The following SUCLG2 variants were observed in gnomAD, a reference collection of about 807,000 sequenced individuals.
SUCLG2 encodes succinate-CoA ligase GDP-forming subunit beta.
Under a neutral mutation model 47.9 loss-of-function variants are expected in SUCLG2, and 42 were observed. The observed-to-expected ratio is 0.88, with a 90% CI of 0.69 to 1.14. SUCLG2 has a LOEUF of 1.14. SUCLG2 is among the 50% of genes most tolerant of loss of function. SUCLG2 has a pLI of 0.00. For synonymous variants in SUCLG2, 195 were observed against 197.3 expected (o/e 0.99, Z 0.10); for missense variants, 571 against 525.9 (o/e 1.09, Z -0.84).
At chr3:67,387,802 G>C (rs1381827330) in intron 10 of SUCLG2, among the ~76,000 whole-genome samples, 1 of 152,096 alleles carries the variant, frequency 6.6e-6, no homozygotes, top group Non-Finnish European at 1.5e-5. Context: ...GATCAGATTT[G>C]AATCTTTTAA....
intron 10 of SUCLG2, among the ~76,000 whole-genome samples, chr3:67,380,151 T>C (rs1397745196): frequency 6.8e-6 from 1 of 147,182 alleles, no homozygotes; most frequent in African/African-American, 2.5e-5. Flanking sequence ...CTGCTCAAGG[T>C]GCAATCAGGA....
At chr3:67,392,716 A>G (rs953117530) in intron 10 of SUCLG2, among the ~76,000 whole-genome samples, 1 of 152,166 alleles carries the variant, frequency 6.6e-6, no homozygotes, top group African/African-American at 2.4e-5. Flanking sequence ...AGAGAAGACT[A>G]TGTTGGCATT....
chr3:67,394,955 T>C (rs566283903), intron 10 of SUCLG2, among the ~76,000 whole-genome samples: 8 of 152,254 alleles, frequency 5.3e-5, no homozygotes, highest in African/African-American at 1.7e-4. Flanking sequence ...TGAAATACTT[T>C]ACAGACAAGC....
At chr3:67,540,546 G>A (rs778671491) in intron 2 of SUCLG2, among the ~76,000 whole-genome samples, 2 of 152,222 alleles carry the variant, frequency 1.3e-5, no homozygotes, top group East Asian at 1.9e-4. Flanking sequence ...AGCAGCCCCA[G>A]TCAGGGACTT....
intron 2 of SUCLG2, among the ~76,000 whole-genome samples, chr3:67,580,355 T>A (rs1232855183): frequency 6.6e-6 from 1 of 152,180 alleles, no homozygotes; most frequent in Admixed American, 6.5e-5. Context: ...CACCACAAAC[T>A]GACAAAAGTG....
intron 2 of SUCLG2, among the ~76,000 whole-genome samples, chr3:67,565,521 T>TTAA (rs1334523042): frequency 4.6e-5 from 7 of 152,230 alleles, no homozygotes; most frequent in Admixed American, 4.6e-4. Context: ...AAGTACAAAC[T>TTAA]GTGTAACATT....
chr3:67,434,586 A>G (rs1271878998), intron 9 of SUCLG2, among the ~76,000 whole-genome samples: 1 of 152,174 alleles, frequency 6.6e-6, no homozygotes, highest in Non-Finnish European at 1.5e-5. Flanking sequence ...TACATAGGGT[A>G]CCTAACAAAA....
At chr3:67,521,807 A>T (rs1280173086) in intron 4 of SUCLG2, among the ~76,000 whole-genome samples, 2 of 151,774 alleles carry the variant, frequency 1.3e-5, no homozygotes, top group African/African-American at 4.9e-5. Context: ...TTTAGTAGAG[A>T]TGGGGATTCA....
At chr3:67,402,799 T>A (rs1702717340) in intron 9 of SUCLG2, among the ~76,000 whole-genome samples, 1 of 152,234 alleles carries the variant, frequency 6.6e-6, no homozygotes, top group South Asian at 2.1e-4. Flanking sequence ...AGTTCGGATG[T>A]CAACTTCTCA....
At chr3:67,368,223 T>C (rs1470301621) in intron 10 of SUCLG2, among the ~76,000 whole-genome samples, 1 of 152,208 alleles carries the variant, frequency 6.6e-6, no homozygotes, top group Non-Finnish European at 1.5e-5. Flanking sequence ...TCTTCTCCTC[T>C]GCATTTGTTC....
intron 10 of SUCLG2, among the ~76,000 whole-genome samples, chr3:67,395,009 T>G (rs377647258): frequency 0.01 from 1,551 of 151,458 alleles, 28 homozygotes; most frequent in African/African-American, 0.035. Context: ...CCCTAAAAGA[T>G]CTCCTGAAGG....
intron 9 of SUCLG2, among the ~76,000 whole-genome samples, chr3:67,422,670 T>C (rs2106863282): frequency 6.6e-6 from 1 of 152,120 alleles, no homozygotes; most frequent in Admixed American, 6.6e-5. Context: ...TTCAAAGGCA[T>C]AGCTCAACTA....
At chr3:67,530,288 A>G (rs1230976461) in intron 2 of SUCLG2, among the ~76,000 whole-genome samples, 3 of 152,218 alleles carry the variant, frequency 2.0e-5, no homozygotes, top group African/African-American at 7.2e-5. Context: ...GGGTTGTTTT[A>G]AAAATTAAAT....
At chr3:67,587,521 T>C (rs59816011) in intron 2 of SUCLG2, among the ~76,000 whole-genome samples, 69,397 of 151,958 alleles carry the variant, frequency 0.46, 16,972 homozygotes, top group Admixed American at 0.55. Flanking sequence ...AGAGCTGGCA[T>C]TTCTTCCAAG....
chr3:67,649,022 A>G (rs533823220), intron 1 of SUCLG2, among the ~76,000 whole-genome samples: 21 of 152,364 alleles, frequency 1.4e-4, no homozygotes, highest in African/African-American at 4.1e-4. Context: ...AAGTGTTATA[A>G]AGAACAAAGC....
At chr3:67,560,323 A>T (rs1199171309) in intron 2 of SUCLG2, among the ~76,000 whole-genome samples, 2 of 152,228 alleles carry the variant, frequency 1.3e-5, no homozygotes, top group Non-Finnish European at 2.9e-5. Flanking sequence ...CAACCCTGCC[A>T]CCACCTTGAG....
chr3:67,395,054 G>A (rs895290411), intron 10 of SUCLG2, among the ~76,000 whole-genome samples: 2 of 152,048 alleles, frequency 1.3e-5, no homozygotes, highest in Non-Finnish European at 2.9e-5. Context: ...ACCGGTACCA[G>A]CCGCGGCAAA....
In SUCLG2 at chr3:67,408,897, C is replaced by T. The variant is rs80198919; in HGVS notation, c.1063-8046G>A. 740 of 1,497,764 alleles carry T rather than the reference C, an allele frequency of 4.9e-4. 6 individuals carry two copies. In the East Asian group the frequency reaches 0.015, roughly 29 times the overall value. The allele number at this position is 1,497,764 out of a possible 1,614,324, so 92.8% of individuals were successfully genotyped here. The stretch of plus-strand genomic sequence containing the variant: ...TCCATGTTCGTTCCACTCCCTCTGG[C>T]AGTCTCTCTATAATCAGAGACTCCC... On this transcript the variant is annotated intron_variant, in intron 9 of 10. Transcript: ENST00000307227.
chr3:67,516,314 T>G (rs896081752), intron 6 of SUCLG2, among the ~76,000 whole-genome samples: 1 of 152,208 alleles, frequency 6.6e-6, no homozygotes, highest in Non-Finnish European at 1.5e-5. Context: ...AGGTAACTCA[T>G]TTAAAACCTA....
Sources: gnomAD v4.1 joint callset for allele counts (sites outside exome capture counted in the v4.1 genomes callset) on GRCh38, gnomAD v4.1.1 for gene constraint, MANE v1.5 for transcripts, NCBI Gene and HGNC (gene_info 2026-07-23, HGNC 2026-07-21) for gene names.